Variants in MMP16 observed in about 807,000 individuals in gnomAD.
The protein encoded by MMP16 is matrix metalloproteinase-16.
Under a neutral mutation model 67.8 loss-of-function variants are expected in MMP16, and 12 were observed. The observed-to-expected ratio is 0.18, with a 90% CI of 0.11 to 0.29. The LOEUF is 0.29. MMP16 is among the 10% of genes least tolerant of loss of function. The pLI is 1.00. For missense variants in MMP16, 475 were observed against 765.7 expected, an observed-to-expected ratio of 0.62 and a Z score of 4.48; for synonymous variants, 249 against 255.9, an observed-to-expected ratio of 0.97 and a Z score of 0.26.
At chr8:88,062,405 C>T (rs1265223354) in intron 7 of MMP16, among the ~76,000 whole-genome samples, 2 of 152,084 alleles carry the variant, frequency 1.3e-5, no homozygotes, top group African/African-American at 4.8e-5. Flanking sequence ...TTGGAACCAA[C>T]CCAAATGTCC....
Position 88,116,647 on chromosome 8 carries a change from C to A in MMP16, c.943G>T (p.Ala315Ser), listed in dbSNP as rs956723755. ...TVPPHRSIPP[A>S]DPRKNDRPKP... ...GGCCTGTCATTTTTCCTTGGGTCAG[C>A]CGGAGGAATAGAGCGGTGTGGGGGC... Residue 315 changes from alanine (A) to serine (S), a missense_variant, in exon 6 of 10, where the codon GCT (alanine) becomes TCT (serine). Ala to Ser is a moderately conservative substitution (Grantham distance 99, BLOSUM62 1). Coordinates refer to ENST00000286614, the MANE Select transcript of MMP16 (RefSeq NM_005941.5). The A allele has an allele frequency of 3.1e-6, 5 of 1,613,656 alleles. No homozygotes were observed. The Admixed American group carries it at 5.0e-5, about 16-fold the overall frequency.
At chr8:88,184,871 A>G (rs1457258257) in intron 3 of MMP16, among the ~76,000 whole-genome samples, 1 of 151,868 alleles carries the variant, frequency 6.6e-6, no homozygotes, top group Admixed American at 6.6e-5. Flanking sequence ...AGAGACATAA[A>G]TATTACAGTT....
chr8:88,072,814 T>A (rs752244064), intron 7 of MMP16, among the ~76,000 whole-genome samples: 1 of 152,180 alleles, frequency 6.6e-6, no homozygotes, highest in African/African-American at 2.4e-5. Flanking sequence ...TAATTTCAAT[T>A]CTTTTACAAA....
At position 88,279,083 on chromosome 8, in the gene MMP16, G is replaced by A. The variant is rs563374336; in HGVS notation, c.132+47992C>T. ...CTAAAAATACAAAAATGAGCTAAGC[G>A]TGATGGCATGTGCCTGTAGTCCCAG... On this transcript the variant is annotated intron_variant, in intron 1 of 9. Transcript: ENST00000286614. Among the ~76,000 whole-genome samples, 8 of 152,026 alleles carry A rather than the reference G, an allele frequency of 5.3e-5. No homozygotes were observed. The South Asian group carries it at 1.5e-3, about 28-fold the overall frequency.
intron 1 of MMP16, among the ~76,000 whole-genome samples, chr8:88,301,376 C>A (rs1356323854): frequency 1.3e-5 from 2 of 152,110 alleles, no homozygotes; most frequent in Non-Finnish European, 2.9e-5. Context: ...AACTGTCTGA[C>A]CCTCTTCTTC....
rs191395270 is a variant in MMP16, at chr8:88,033,346, C to A, written c.*8115G>T. The stretch of plus-strand genomic sequence containing the variant: ...ACTATATATTCCTAAATCTATATTA[C>A]CAGATAGCTTATATGGATGTCATAA... On this transcript the variant is annotated 3_prime_UTR_variant, in exon 10 of 10. Transcript: ENST00000286614. 4 of 149,528 alleles carry A rather than the reference C, an allele frequency of 2.7e-5. No individual in the cohort carries two copies. Among genetic ancestry groups the A allele is most frequent in the African/African-American group, 9.8e-5 (4 of 40,878 alleles). The allele number at this position is 149,528 out of a possible 1,614,324, so 9.3% of individuals were successfully genotyped here.
chr8:88,093,136 T>C (rs777555439), intron 6 of MMP16, among the ~76,000 whole-genome samples: 1 of 151,836 alleles, frequency 6.6e-6, no homozygotes, highest in Non-Finnish European at 1.5e-5. Flanking sequence ...CAGGGGACTG[T>C]ATGTCCTGAA....
chr8:88,238,271 G>A (rs1158199682), intron 1 of MMP16, among the ~76,000 whole-genome samples: 5 of 152,286 alleles, frequency 3.3e-5, no homozygotes, highest in Non-Finnish European at 5.9e-5. Flanking sequence ...CCAGCATGTT[G>A]GGAAGCCGAG....
chr8:88,046,641 T>C (rs1042079518), intron 9 of MMP16, 28 bp downstream of exon 9: 1 of 1,436,292 alleles, frequency 7.0e-7, no homozygotes, highest in South Asian at 1.3e-5. Flanking sequence ...AGCAAACTTA[T>C]GAAATGTAGA....
Position 88,081,485 on chromosome 8 carries a change from T to C in MMP16, c.1084-6742A>G, listed in dbSNP as rs78257119. On this transcript the variant is annotated intron_variant, in intron 6 of 9. Coordinates refer to ENST00000286614, the MANE Select transcript of MMP16 (RefSeq NM_005941.5). ...AATAAAAATTGATGATGGTCTGGCT[T>C]GTGCCTGTAATCCCAGCTACTTGGG... 3.9e-3 allele frequency among the ~76,000 whole-genome samples: 596 copies of C among 152,220 alleles called. 7 individuals carry two copies. The East Asian group carries it at 0.064, about 16-fold the overall frequency.
At chr8:88,140,049 T>G (rs539352098) in intron 4 of MMP16, among the ~76,000 whole-genome samples, 1 of 152,306 alleles carries the variant, frequency 6.6e-6, no homozygotes, top group African/African-American at 2.4e-5. Context: ...AAGCCTTGGC[T>G]AGGGAGTTCT....
intron 6 of MMP16, among the ~76,000 whole-genome samples, chr8:88,082,983 C>A (rs1248172119): frequency 6.6e-6 from 1 of 151,576 alleles, no homozygotes; most frequent in African/African-American, 2.4e-5. Flanking sequence ...GGGAAATAGA[C>A]CACAAAAGAA....
chr8:88,122,748 A>G (rs898023744), intron 4 of MMP16, among the ~76,000 whole-genome samples: 3 of 151,584 alleles, frequency 2.0e-5, no homozygotes, highest in African/African-American at 7.3e-5. Context: ...CCGAGATGAC[A>G]ACAGTGATCC....
At chr8:88,052,035 A>G (rs888702740) in intron 8 of MMP16, among the ~76,000 whole-genome samples, 1 of 152,070 alleles carries the variant, frequency 6.6e-6, no homozygotes, top group Non-Finnish European at 1.5e-5. Flanking sequence ...CATTTCATCT[A>G]CTCTCTTTAG....
At chr8:88,181,420 TA>T (rs905755272) in intron 3 of MMP16, among the ~76,000 whole-genome samples, 46 of 151,986 alleles carry the variant, frequency 3.0e-4, no homozygotes, top group African/African-American at 1.1e-3. Flanking sequence ...ATGAAAAACA[TA>T]ATACCATTTA....
intron 1 of MMP16, among the ~76,000 whole-genome samples, chr8:88,311,877 A>C (rs1294487862): frequency 6.6e-6 from 1 of 152,170 alleles, no homozygotes; most frequent in Admixed American, 6.6e-5. Flanking sequence ...ACCAGAGATA[A>C]CGAAGATTTA....
chr8:88,258,479 C>G (rs1810339349), intron 1 of MMP16, among the ~76,000 whole-genome samples: 1 of 152,090 alleles, frequency 6.6e-6, no homozygotes, highest in Non-Finnish European at 1.5e-5. Flanking sequence ...CTGCCTAAGC[C>G]CTCATTCTCC....
intron 1 of MMP16, among the ~76,000 whole-genome samples, chr8:88,290,847 C>T (rs1810915693): frequency 6.6e-6 from 1 of 152,110 alleles, no homozygotes; most frequent in Non-Finnish European, 1.5e-5. Context: ...GGGAAGCAAC[C>T]ATAATCTAAG....
intron 6 of MMP16, among the ~76,000 whole-genome samples, chr8:88,085,400 C>T (rs1808816951): frequency 6.6e-6 from 1 of 151,984 alleles, no homozygotes; most frequent in African/African-American, 2.4e-5. Flanking sequence ...TTAGAATACA[C>T]TTTTTCACTA....
Sources: gnomAD v4.1 joint callset for allele counts (sites outside exome capture counted in the v4.1 genomes callset) on GRCh38, gnomAD v4.1.1 for gene constraint, MANE v1.5 for transcripts, NCBI Gene and HGNC (gene_info 2026-07-23, HGNC 2026-07-21) for gene names.